Variants in NR3C2 observed in about 807,000 individuals in gnomAD.
NR3C2 encodes nuclear receptor subfamily 3 group C member 2.
Under a neutral mutation model 86.4 loss-of-function variants are expected in NR3C2, and 15 were observed. The ratio of observed to expected loss-of-function variants is 0.17; its 90% CI spans 0.12 to 0.27. The LOEUF is 0.27. Among genes scored for constraint, NR3C2 ranks in the 10% least tolerant of loss-of-function variants. The pLI is 1.00. For synonymous variants in NR3C2, 458 were observed against 450.5 expected, an observed-to-expected ratio of 1.02 and a Z score of -0.21; for missense variants, 960 against 1,195.6, an observed-to-expected ratio of 0.80 and a Z score of 2.91.
At chr4:148,370,862 C>A (rs1220398622) in intron 2 of NR3C2, among the ~76,000 whole-genome samples, 2 of 152,076 alleles carry the variant, frequency 1.3e-5, no homozygotes, top group African/African-American at 2.4e-5. Context: ...TCCCCGCCCC[C>A]CAATAAGAGA....
At chr4:148,092,489 C>T (rs1731102639) in intron 8 of NR3C2, among the ~76,000 whole-genome samples, 1 of 152,154 alleles carries the variant, frequency 6.6e-6, no homozygotes, top group African/African-American at 2.4e-5. Context: ...GGATTCCAAG[C>T]TACTCTTGCC....
chr4:148,241,687 T>C (rs1328365175), intron 3 of NR3C2, among the ~76,000 whole-genome samples: 1 of 152,218 alleles, frequency 6.6e-6, no homozygotes, highest in African/African-American at 2.4e-5. Context: ...TGTTTGCTTA[T>C]TTGCAAATTG....
chr4:148,163,218 T>A (rs1734740876), intron 4 of NR3C2, among the ~76,000 whole-genome samples: 1 of 152,212 alleles, frequency 6.6e-6, no homozygotes, highest in Non-Finnish European at 1.5e-5. Flanking sequence ...TATTCTTTTC[T>A]AAAAATTCTA....
chr4:148,237,871 T>C (rs1738824809), intron 3 of NR3C2, among the ~76,000 whole-genome samples: 1 of 152,176 alleles, frequency 6.6e-6, no homozygotes, highest in Non-Finnish European at 1.5e-5. Flanking sequence ...TTAAATACTT[T>C]GATATCAAGA....
At chr4:148,198,343 A>C (rs2149805600) in intron 3 of NR3C2, among the ~76,000 whole-genome samples, 1 of 152,336 alleles carries the variant, frequency 6.6e-6, no homozygotes, top group South Asian at 2.1e-4. Flanking sequence ...ATTATTTTGA[A>C]ATCAAGAAGC....
chr4:148,236,488 T>C (rs193120908), intron 3 of NR3C2, among the ~76,000 whole-genome samples: 122 of 152,032 alleles, frequency 8.0e-4, no homozygotes, highest in Non-Finnish European at 1.5e-3. Flanking sequence ...ATAGTATTAA[T>C]ATATAATAAA....
At chr4:148,121,918 A>G (rs1732521528) in intron 6 of NR3C2, among the ~76,000 whole-genome samples, 1 of 152,204 alleles carries the variant, frequency 6.6e-6, no homozygotes, top group Non-Finnish European at 1.5e-5. Context: ...GCTATCACAA[A>G]TGATGCCCAA....
At position 148,080,736 on chromosome 4, in the gene NR3C2, T is replaced by TTAAA. The variant is rs1310647579; in HGVS notation, c.*604_*607dup. 2.6e-5 allele frequency: 9 copies of TTAAA among 341,030 alleles called. No homozygotes were observed. Among genetic ancestry groups the TTAAA allele is most frequent in the Middle Eastern group, 3.8e-4 (1 of 2,604 alleles). The allele number at this position is 341,030 out of a possible 1,614,324, so 21.1% of individuals were successfully genotyped here. ...TTTAACATCATCTTATCCATTCTAA[T>TTAAA]TAAATAAGAAATGGACGCTAACGAG... On this transcript the variant is annotated 3_prime_UTR_variant, in exon 9 of 9. Coordinates refer to ENST00000358102, the MANE Select transcript of NR3C2 (RefSeq NM_000901.5).
chr4:148,229,069 C>T (rs1738328460), intron 3 of NR3C2, among the ~76,000 whole-genome samples: 1 of 152,124 alleles, frequency 6.6e-6, no homozygotes, highest in Non-Finnish European at 1.5e-5. Context: ...AAGGTCTAGG[C>T]CAAGAAACCA....
intron 3 of NR3C2, among the ~76,000 whole-genome samples, chr4:148,234,109 C>A (rs1352560518): frequency 1.3e-5 from 2 of 152,122 alleles, no homozygotes; most frequent in African/African-American, 4.8e-5. Flanking sequence ...GACCATCATC[C>A]ACAAGCAATC....
At position 148,081,318 on chromosome 4, in the gene NR3C2, G is replaced by A; in HGVS notation, c.*26C>T. The stretch of plus-strand genomic sequence containing the variant: ...GTGGAACAACACAGGGAAACTTAAG[G>A]CAAAGTTCTTCTGGGCAGCGGGCAG... On this transcript the variant is annotated 3_prime_UTR_variant, in exon 9 of 9. Transcript: ENST00000358102. The A allele has an allele frequency of 6.2e-7, 1 of 1,614,114 alleles. No homozygotes were observed. The highest frequency in any genetic ancestry group is 8.5e-7 in the Non-Finnish European group (1 of 1,179,998).
At chr4:148,089,608 A>G (rs1730972082) in intron 8 of NR3C2, among the ~76,000 whole-genome samples, 2 of 152,184 alleles carry the variant, frequency 1.3e-5, no homozygotes, top group South Asian at 4.1e-4. Context: ...TTCTGGTGGA[A>G]CTTGGTCCTT....
intron 8 of NR3C2, among the ~76,000 whole-genome samples, chr4:148,107,850 G>T (rs1270150272): frequency 6.6e-6 from 1 of 152,092 alleles, no homozygotes; most frequent in African/African-American, 2.4e-5. Flanking sequence ...CTATTTGGAG[G>T]TCAGGGACAA....
chr4:148,271,367 T>G (rs563005538), intron 2 of NR3C2, among the ~76,000 whole-genome samples: 36 of 152,276 alleles, frequency 2.4e-4, no homozygotes, highest in African/African-American at 8.2e-4. Context: ...GTACTTTCTT[T>G]GGGTCTTTGT....
upstream of NR3C2, among the ~76,000 whole-genome samples, chr4:148,443,191 G>A (rs1390313135): frequency 8.9e-6 from 1 of 112,728 alleles, no homozygotes; most frequent in Admixed American, 1.3e-4. Context: ...TTTAAACACA[G>A]CTTTCCTCCC....
intron 2 of NR3C2, among the ~76,000 whole-genome samples, chr4:148,263,771 C>A (rs775789241): frequency 6.6e-6 from 1 of 152,194 alleles, no homozygotes; most frequent in Non-Finnish European, 1.5e-5. Context: ...CTCACTCCCA[C>A]TGGAAACCCT....
At position 148,120,011 on chromosome 4, in the gene NR3C2, C is replaced by A. The variant is rs1732442649; in HGVS notation, c.2641+147G>T. The A allele has an allele frequency of 3.6e-6, 4 of 1,117,728 alleles. No individual in the cohort carries two copies. The Admixed American group carries it at 5.2e-5, about 14-fold the overall frequency. The allele number at this position is 1,117,728 out of a possible 1,614,324, so 69.2% of individuals were successfully genotyped here. On this transcript the variant is annotated intron_variant, in intron 7 of 8. Transcript: ENST00000358102. ...GCAAGTAACTTAGTTCATCAAAGGTCAAAGCCTTCCTCCCATTTCTTCAGT... is the reference window on the plus strand; with the variant it reads ...GCAAGTAACTTAGTTCATCAAAGGTAAAAGCCTTCCTCCCATTTCTTCAGT...
At chr4:148,143,909 T>C (rs1170109407) in intron 6 of NR3C2, among the ~76,000 whole-genome samples, 3 of 133,714 alleles carry the variant, frequency 2.2e-5, no homozygotes, top group Non-Finnish European at 4.6e-5. Flanking sequence ...ATCGCACCAT[T>C]GCACTCCAGC....
intron 2 of NR3C2, among the ~76,000 whole-genome samples, chr4:148,330,940 C>G (rs1465733020): frequency 6.6e-6 from 1 of 152,184 alleles, no homozygotes; most frequent in Non-Finnish European, 1.5e-5. Context: ...TCACCTTCCG[C>G]CTTGATTTTA....
Sources: gnomAD v4.1 joint callset for allele counts (sites outside exome capture counted in the v4.1 genomes callset) on GRCh38, gnomAD v4.1.1 for gene constraint, MANE v1.5 for transcripts, NCBI Gene and HGNC (gene_info 2026-07-23, HGNC 2026-07-21) for gene names.